BANK1: variants seen among roughly 807,000 people sequenced by gnomAD.
The protein encoded by BANK1 is B cell scaffold protein with ankyrin repeats 1, also known as B-cell scaffold protein with ankyrin repeats.
Under a neutral mutation model 94.5 loss-of-function variants are expected in BANK1, and 95 were observed. That is an observed-to-expected ratio of 1.00 (90% CI 0.85 to 1.19). BANK1 has a LOEUF of 1.19. Ranked by LOEUF, BANK1 falls within the 50% of genes most tolerant of loss-of-function variation. The pLI, the probability that BANK1 is intolerant of heterozygous loss-of-function variation, is 0.00. For missense variants in BANK1, 987 were observed against 932.2 expected, an observed-to-expected ratio of 1.06 and a Z score of -0.77; for synonymous variants, 334 against 308.4, an observed-to-expected ratio of 1.08 and a Z score of -0.87.
chr4:101,992,292 A>G (rs1442655765), intron 7 of BANK1, among the ~76,000 whole-genome samples: 1 of 152,196 alleles, frequency 6.6e-6, no homozygotes, highest in Non-Finnish European at 1.5e-5. Flanking sequence ...ATTTCTCAAT[A>G]AAATCAACTA....
chr4:102,007,143 ATTTT>A (rs1455390206), intron 7 of BANK1, among the ~76,000 whole-genome samples: 5 of 31,030 alleles, frequency 1.6e-4, no homozygotes, highest in African/African-American at 6.7e-4. Flanking sequence ...TAAAAAATAT[ATTTT>A]ATATATATAT....
intron 4 of BANK1, among the ~76,000 whole-genome samples, chr4:101,866,235 T>C (rs1728062641): frequency 6.6e-6 from 1 of 152,130 alleles, no homozygotes; most frequent in South Asian, 2.1e-4. Flanking sequence ...GGTTTACTAG[T>C]AGAGTTGACA....
chr4:101,879,877 G>C (rs995975878), intron 5 of BANK1, among the ~76,000 whole-genome samples: 3 of 151,946 alleles, frequency 2.0e-5, no homozygotes, highest in Non-Finnish European at 4.4e-5. Flanking sequence ...AAAGTATTTG[G>C]TAAAATTCAA....
chr4:101,915,699 T>G (rs1456886615), intron 6 of BANK1, among the ~76,000 whole-genome samples: 3 of 152,148 alleles, frequency 2.0e-5, no homozygotes, highest in African/African-American at 7.2e-5. Context: ...CACTACGATA[T>G]TTTATGTAAT....
intron 4 of BANK1, among the ~76,000 whole-genome samples, chr4:101,864,508 A>G (rs1727996286): frequency 6.6e-6 from 1 of 152,200 alleles, no homozygotes; most frequent in Non-Finnish European, 1.5e-5. Flanking sequence ...AAGCTGAACC[A>G]CTACAAAATC....
intron 1 of BANK1, among the ~76,000 whole-genome samples, chr4:101,792,466 TG>T (rs781174115): frequency 0.33 from 31,666 of 95,904 alleles, 3,955 homozygotes; most frequent in Non-Finnish European, 0.42. Flanking sequence ...TGTGTGTGTG[TG>T]TGTTTTTTTT....
chr4:102,010,554 G>A (rs562733445), intron 7 of BANK1, among the ~76,000 whole-genome samples: 105 of 151,704 alleles, frequency 6.9e-4, no homozygotes, highest in Middle Eastern at 3.4e-3. Context: ...CACCACGCCC[G>A]GCTAATTTTT....
Position 102,003,277 on chromosome 4 carries a change from C to A in BANK1, c.1207-18237C>A, listed in dbSNP as rs1285822380. ...CATCCTAAAACTCAGTGGATTAAAA[C>A]CATGACAGTGATTGAGTTTTACTCA... On this transcript the variant is annotated intron_variant, in intron 7 of 16. Transcript: ENST00000322953. Among the ~76,000 whole-genome samples the A allele has an allele frequency of 2.0e-5, 3 of 152,178 alleles. No individual in the cohort carries two copies. In the East Asian group the frequency reaches 5.8e-4, roughly 29 times the overall value.
At chr4:101,835,461 A>AACCC (rs1726787540) in intron 2 of BANK1, among the ~76,000 whole-genome samples, 1 of 152,256 alleles carries the variant, frequency 6.6e-6, no homozygotes, top group African/African-American at 2.4e-5. Flanking sequence ...TAACAGGAAA[A>AACCC]ACTTCTCTTT....
At chr4:101,919,432 A>C (rs1722928956) in intron 7 of BANK1, among the ~76,000 whole-genome samples, 1 of 152,030 alleles carries the variant, frequency 6.6e-6, no homozygotes, top group Non-Finnish European at 1.5e-5. Flanking sequence ...AAGTAACAAA[A>C]TAATACATAA....
At chr4:101,884,288 G>A (rs1056231228) in intron 5 of BANK1, among the ~76,000 whole-genome samples, 1 of 151,964 alleles carries the variant, frequency 6.6e-6, no homozygotes. Context: ...GACGTTTTTT[G>A]TGTCAATTTA....
At chr4:101,888,649 G>A (rs1034962459) in intron 5 of BANK1, among the ~76,000 whole-genome samples, 1 of 152,140 alleles carries the variant, frequency 6.6e-6, no homozygotes, top group Non-Finnish European at 1.5e-5. Flanking sequence ...TGAATTTTTT[G>A]TATCATGCTT....
intron 10 of BANK1, among the ~76,000 whole-genome samples, chr4:102,040,043 C>A (rs1203800548): frequency 1.3e-5 from 2 of 151,960 alleles, no homozygotes; most frequent in African/African-American, 4.8e-5. Context: ...TGAAATAATT[C>A]AAAATAAGAT....
At chr4:101,873,591 A>G (rs1188590991) in intron 5 of BANK1, among the ~76,000 whole-genome samples, 1 of 152,186 alleles carries the variant, frequency 6.6e-6, no homozygotes, top group Admixed American at 6.5e-5. Flanking sequence ...CTGGCTTTCT[A>G]ATTTAATTTT....
In BANK1 at chr4:101,861,745, ATTTATT is replaced by A. The variant is rs1036382616; in HGVS notation, c.625-779_625-774del. On this transcript the variant is annotated intron_variant, in intron 3 of 16. Transcript: ENST00000322953. Reference sequence around the variant, plus strand: ...TTTCAGTTAGGTTTAGAGGAAATATATTTATTTAAAAAGTGCTGAGTATAATTTCTA... The same window carrying A: ...TTTCAGTTAGGTTTAGAGGAAATATATAAAAAGTGCTGAGTATAATTTCTA... Among the ~76,000 whole-genome samples the A allele has an allele frequency of 1.1e-4, 17 of 152,112 alleles. No individual in the cohort carries two copies. In the South Asian group the frequency reaches 3.1e-3, roughly 28 times the overall value.
chr4:101,850,249 T>TTTTG (rs545693313), intron 2 of BANK1, among the ~76,000 whole-genome samples: 4 of 152,272 alleles, frequency 2.6e-5, no homozygotes, highest in South Asian at 2.1e-4. Context: ...TTGGGTGTCT[T>TTTTG]TTTGTTTGTT....
chr4:101,947,297 ATATATATATATATATG>A (rs201822885), intron 7 of BANK1, among the ~76,000 whole-genome samples: 46 of 81,072 alleles, frequency 5.7e-4, no homozygotes, highest in Non-Finnish European at 6.1e-4. Context: ...ATATATATAT[ATATATATATATATATG>A]TATATGTATT....
At chr4:101,956,855 A>G (rs760667303) in intron 7 of BANK1, among the ~76,000 whole-genome samples, 1 of 152,204 alleles carries the variant, frequency 6.6e-6, no homozygotes, top group Non-Finnish European at 1.5e-5. Flanking sequence ...TCCTCATAGT[A>G]CAGATAGAAA....
intron 2 of BANK1, among the ~76,000 whole-genome samples, chr4:101,837,557 G>A (rs949092712): frequency 6.6e-6 from 1 of 152,090 alleles, no homozygotes; most frequent in Non-Finnish European, 1.5e-5. Flanking sequence ...AAGGACTAAG[G>A]TTTCAAGGAT....
Sources: gnomAD v4.1 joint callset for allele counts (sites outside exome capture counted in the v4.1 genomes callset) on GRCh38, gnomAD v4.1.1 for gene constraint, MANE v1.5 for transcripts, NCBI Gene and HGNC (gene_info 2026-07-23, HGNC 2026-07-21) for gene names.